The following GCLC variants were observed in gnomAD, a reference collection of about 807,000 sequenced individuals.
GCLC encodes glutamate--cysteine ligase catalytic subunit.
In GCLC, 30 loss-of-function variants were observed where a neutral mutation model predicts 81.5. The ratio of observed to expected loss-of-function variants is 0.37; its 90% CI spans 0.28 to 0.50. The LOEUF (loss-of-function observed/expected upper bound fraction) is 0.50, where lower values mean the gene tolerates loss of function less well. GCLC is among the 20% of genes least tolerant of loss of function. GCLC has a pLI of 0.96. For synonymous variants in GCLC, 262 were observed against 273.3 expected (o/e 0.96, Z 0.41); for missense variants, 556 against 777.4 (o/e 0.72, Z 3.39).
chr6:53,534,533 C>CAAGACACT (rs2127629679), intron 1 of GCLC, among the ~76,000 whole-genome samples: 1 of 151,266 alleles, frequency 6.6e-6, no homozygotes, highest in South Asian at 2.1e-4. Context: ...GAATAATTTT[C>CAAGACACT]AAGACACTGC....
intron 1 of GCLC, among the ~76,000 whole-genome samples, chr6:53,530,981 G>T (rs1348817727): frequency 6.6e-6 from 1 of 152,184 alleles, no homozygotes; most frequent in African/African-American, 2.4e-5. Flanking sequence ...AGCTAAGAGT[G>T]CAGGCTTTGG....
rs181941904 is a variant in GCLC at position 53,542,970 on chromosome 6, T to C, written c.150+1526A>G. The stretch of plus-strand genomic sequence containing the variant: ...GTTGCAGTGAGCCGAGATCACACCA[T>C]TGCACTCCAGCCTGGGCGACAGAGC... On this transcript the variant is annotated intron_variant, in intron 1 of 15. Coordinates refer to ENST00000650454, the MANE Select transcript of GCLC (RefSeq NM_001498.4). Among the ~76,000 whole-genome samples, 16 of 152,028 alleles carry C rather than the reference T, an allele frequency of 1.1e-4. No individual in the cohort carries two copies. The East Asian group carries it at 3.1e-3, about 29-fold the overall frequency.
intron 2 of GCLC, among the ~76,000 whole-genome samples, 176 bp from the exon 3 acceptor site, chr6:53,521,136 T>C (rs17883816): frequency 0.014 from 2,191 of 152,260 alleles, 25 homozygotes; most frequent in Middle Eastern, 0.085. Context: ...TACATAAGGG[T>C]CAACAAGTAT....
chr6:53,542,580 TG>T (rs1763376422), intron 1 of GCLC, among the ~76,000 whole-genome samples: 1 of 120,822 alleles, frequency 8.3e-6, no homozygotes, highest in East Asian at 2.4e-4. Flanking sequence ...TAAGGGGTGG[TG>T]GGGGGTGGGG....
chr6:53,500,292 T>A lies in GCLC; in HGVS notation c.1536A>T (p.Ala512=). 6.2e-7 allele frequency: 1 copy of A among 1,614,214 alleles called. No individual in the cohort carries two copies. Among genetic ancestry groups the A allele is most frequent in the Non-Finnish European group, 8.5e-7 (1 of 1,180,022 alleles). Residue 512 remains alanine (A), a synonymous_variant, in exon 14 of 16, where the codon GCA becomes GCT. Transcript: ENST00000650454. ...GKAQNSTELA[A]EEYTLMSIDT... ...CTATGCTCATGAGGGTGTACTCCTC[T>A]GCAGCGAGCTCCGTGCTGTTCTGGG...
At chr6:53,509,750 G>A (rs1764697988) in intron 6 of GCLC, 1 of 176,740 alleles carries the variant, frequency 5.7e-6, no homozygotes, top group South Asian at 1.2e-4. Context: ...CTGGGTTCAC[G>A]CCATTCTTCC....
intron 2 of GCLC, 146 bp from the exon 3 acceptor site, chr6:53,521,106 C>T (rs1762983410): frequency 2.8e-6 from 2 of 712,954 alleles, no homozygotes; most frequent in Admixed American, 2.2e-5. Context: ...GTGATTATTA[C>T]TTTTCCATAG....
At chr6:53,537,091 A>C (rs2127630458) in intron 1 of GCLC, among the ~76,000 whole-genome samples, 1 of 152,280 alleles carries the variant, frequency 6.6e-6, no homozygotes, top group Middle Eastern at 3.4e-3. Flanking sequence ...CCTTTGTTAC[A>C]CTGTTCTTTT....
rs746472433 is a variant in GCLC at position 53,514,326 on chromosome 6, T to C, written c.631A>G (p.Lys211Glu). The change falls in exon 6 of 16, where the codon AAG becomes GAG. Residue 211 changes from lysine to glutamate, a missense_variant. Lys to Glu is a moderately conservative substitution (Grantham distance 56). Around this residue, in one of 3 missense-constraint regions of GCLC, gnomAD observed 234 missense variants for 303.8 expected, o/e 0.77. Coordinates refer to ENST00000650454, the MANE Select transcript of GCLC (RefSeq NM_001498.4). ...TCTATAAATGGAGATGGTGTATTCT[T>C]GTCCTTAAATACTGTATTATAAAAA... ...VVINVPIFKDKNTPSPFIETF... is the reference protein window; with the variant it reads ...VVINVPIFKDENTPSPFIETF... 4 of 1,593,662 alleles carry C rather than the reference T, an allele frequency of 2.5e-6. No individual in the cohort carries two copies. Among genetic ancestry groups the C allele is most frequent in the Non-Finnish European group, 3.4e-6 (4 of 1,161,430 alleles).
intron 1 of GCLC, among the ~76,000 whole-genome samples, chr6:53,527,492 C>G (rs1455640812): frequency 6.6e-6 from 1 of 152,146 alleles, no homozygotes; most frequent in Non-Finnish European, 1.5e-5. Flanking sequence ...CTCCCTGCCC[C>G]CCACCCCCAG....
At chr6:53,518,738 T>C (rs1366485281) in intron 3 of GCLC, among the ~76,000 whole-genome samples, 1 of 152,192 alleles carries the variant, frequency 6.6e-6, no homozygotes, top group Non-Finnish European at 1.5e-5. Context: ...CCTCCCACTT[T>C]CTTAATTTGC....
At chr6:53,532,935 A>G (rs1163061786) in intron 1 of GCLC, among the ~76,000 whole-genome samples, 1 of 152,266 alleles carries the variant, frequency 6.6e-6, no homozygotes, top group African/African-American at 2.4e-5. Context: ...TTTAGAGATC[A>G]TCCATCAGAG....
chr6:53,508,119 G>C (rs1764651780), intron 8 of GCLC, among the ~76,000 whole-genome samples: 2 of 152,132 alleles, frequency 1.3e-5, no homozygotes, highest in Admixed American at 6.5e-5. Flanking sequence ...AGTAGGTCTA[G>C]GATAGGGTCT....
intron 1 of GCLC, among the ~76,000 whole-genome samples, chr6:53,535,836 T>C (rs916860201): frequency 1.4e-4 from 22 of 152,196 alleles, no homozygotes; most frequent in Admixed American, 1.3e-4. Context: ...AGAATGTGGA[T>C]GAACTGAACT....
chr6:53,537,198 C>A (rs1763270580), intron 1 of GCLC, among the ~76,000 whole-genome samples: 1 of 152,192 alleles, frequency 6.6e-6, no homozygotes, highest in Non-Finnish European at 1.5e-5. Context: ...AAACCAGAAT[C>A]AACTGAAGTG....
In GCLC at chr6:53,497,818, G is replaced by A. The variant is rs1299330032; in HGVS notation, c.*938C>T. Reference sequence around the variant, plus strand: ...GAATATTCCCCAGGTAAAATCTGGAGTGAATGGCTTTTAGAGGAAAGTCTA... The same window carrying A: ...GAATATTCCCCAGGTAAAATCTGGAATGAATGGCTTTTAGAGGAAAGTCTA... On this transcript the variant is annotated 3_prime_UTR_variant, in exon 16 of 16. Coordinates refer to ENST00000650454, the MANE Select transcript of GCLC (RefSeq NM_001498.4). The A allele has an allele frequency of 2.0e-5, 3 of 152,572 alleles. No individual in the cohort carries two copies. Among genetic ancestry groups the A allele is most frequent in the Non-Finnish European group, 4.4e-5 (3 of 68,036 alleles). The allele number at this position is 152,572 out of a possible 1,614,324, so 9.5% of individuals were successfully genotyped here.
intron 1 of GCLC, among the ~76,000 whole-genome samples, chr6:53,526,097 CACTACTAT>C (rs1763076187): frequency 6.6e-6 from 1 of 152,132 alleles, no homozygotes; most frequent in African/African-American, 2.4e-5. Flanking sequence ...GTCATTAATA[CACTACTAT>C]CCCTGAGCTG....
chr6:53,529,077 T>C (rs17882826), intron 1 of GCLC, among the ~76,000 whole-genome samples: 18 of 152,170 alleles, frequency 1.2e-4, no homozygotes, highest in Admixed American at 1.2e-3. Flanking sequence ...TTACTTAACA[T>C]AAAATAAAAA....
chr6:53,519,755 G>A (rs1041944423), intron 3 of GCLC, among the ~76,000 whole-genome samples: 3 of 152,124 alleles, frequency 2.0e-5, no homozygotes, highest in Admixed American at 6.5e-5. Flanking sequence ...TGGGGGTGGA[G>A]AGAGAAGTGA....
Sources: gnomAD v4.1 joint callset for allele counts (sites outside exome capture counted in the v4.1 genomes callset) on GRCh38, gnomAD v4.1.1 for gene constraint, gnomAD v4.1.1 regional missense constraint, MANE v1.5 for transcripts, NCBI Gene and HGNC (gene_info 2026-07-23, HGNC 2026-07-21) for gene names.